Variants in VWC2 observed in about 807,000 individuals in gnomAD.
VWC2 encodes the protein brorin.
A neutral mutation model predicts 29.8 loss-of-function variants in VWC2; 14 were observed. The observed-to-expected ratio is 0.47, with a 90% confidence interval of 0.31 to 0.74. The LOEUF is 0.74. Among genes scored for constraint, VWC2 ranks in the 30% least tolerant of loss-of-function variants. VWC2 has a pLI of 0.05. For synonymous variants in VWC2, 213 were observed against 199.0 expected (o/e 1.07, Z -0.59); for missense variants, 457 against 459.8 (o/e 0.99, Z 0.05).
intron 3 of VWC2, among the ~76,000 whole-genome samples, chr7:49,857,897 C>T (rs753355334): frequency 2.0e-5 from 3 of 152,138 alleles, no homozygotes; most frequent in Admixed American, 6.5e-5. Flanking sequence ...GGCATCTGAG[C>T]TAAGTTTGGT....
At position 49,911,005 on chromosome 7, in the gene VWC2, T is replaced by C. The variant is rs200367704; in HGVS notation, c.827-1029T>C. ...AGGCCTGGAAGGTATACTGAATTTA[T>C]GTCACTTCAAGCAGTTTGCTTGTTT... is the stretch of plus-strand genomic sequence containing the variant. On this transcript the variant is annotated intron_variant, in intron 3 of 3. Coordinates refer to ENST00000340652, the MANE Select transcript of VWC2 (RefSeq NM_198570.5). 9.2e-5 allele frequency among the ~76,000 whole-genome samples: 14 copies of C among 152,330 alleles called. No individual in the cohort carries two copies. In the East Asian group the frequency reaches 1.7e-3, roughly 19 times the overall value.
intron 3 of VWC2, among the ~76,000 whole-genome samples, chr7:49,821,012 C>T (rs567578156): frequency 1.8e-4 from 27 of 152,294 alleles, no homozygotes; most frequent in Admixed American, 1.2e-3. Flanking sequence ...CAGCCCTCCC[C>T]GCCCAGGATG....
chr7:49,888,556 C>G (rs1249421090), intron 3 of VWC2, among the ~76,000 whole-genome samples: 1 of 152,156 alleles, frequency 6.6e-6, no homozygotes, highest in Non-Finnish European at 1.5e-5. Context: ...TCATAGCAGG[C>G]CTCCCTGAAG....
chr7:49,799,087 G>A (rs28470916), intron 2 of VWC2, among the ~76,000 whole-genome samples: 57,568 of 152,068 alleles, frequency 0.38, 12,988 homozygotes, highest in Non-Finnish European at 0.51. Context: ...AAAAGGGCAG[G>A]GCATTATTTT....
chr7:49,811,841 A>G (rs1317856177), intron 3 of VWC2, among the ~76,000 whole-genome samples: 2 of 152,248 alleles, frequency 1.3e-5, no homozygotes, highest in Non-Finnish European at 2.9e-5. Context: ...ACATATTTCC[A>G]CACAAAGATA....
At chr7:49,812,043 A>C (rs79016642) in intron 3 of VWC2, among the ~76,000 whole-genome samples, 5,780 of 152,350 alleles carry the variant, frequency 0.038, 160 homozygotes, top group Middle Eastern at 0.082. Flanking sequence ...CCTCAAATAC[A>C]GAAGCTGTTG....
chr7:49,875,519 T>G (rs1225953553), intron 3 of VWC2, among the ~76,000 whole-genome samples: 1 of 151,500 alleles, frequency 6.6e-6, no homozygotes, highest in Non-Finnish European at 1.5e-5. Flanking sequence ...GGAGAGCCAG[T>G]GTCCTTGGTG....
chr7:49,774,885 C>T (rs939316453), intron 1 of VWC2, among the ~76,000 whole-genome samples: 1 of 152,166 alleles, frequency 6.6e-6, no homozygotes, highest in Non-Finnish European at 1.5e-5. Context: ...GAAGAGTTTC[C>T]CTCTTATCTT....
chr7:49,814,540 T>C (rs1377832661), intron 3 of VWC2, among the ~76,000 whole-genome samples: 1 of 152,224 alleles, frequency 6.6e-6, no homozygotes, highest in East Asian at 1.9e-4. Flanking sequence ...ATTTTTAAGA[T>C]AAATAAATAA....
chr7:49,805,753 A>T (rs912435313), intron 3 of VWC2, among the ~76,000 whole-genome samples: 1 of 152,242 alleles, frequency 6.6e-6, no homozygotes, highest in African/African-American at 2.4e-5. Context: ...AATGCTTTAT[A>T]TGAAATTAAA....
At chr7:49,905,960 A>T (rs1419491373) in intron 3 of VWC2, among the ~76,000 whole-genome samples, 3 of 149,804 alleles carry the variant, frequency 2.0e-5, no homozygotes, top group Non-Finnish European at 4.5e-5. Flanking sequence ...AAGTTACCTT[A>T]TATGGTCTAA....
intron 3 of VWC2, among the ~76,000 whole-genome samples, chr7:49,900,250 G>C (rs1370857109): frequency 6.6e-6 from 1 of 151,622 alleles, no homozygotes; most frequent in Non-Finnish European, 1.5e-5. Context: ...AATAATCTAA[G>C]CTTCCACCTT....
At chr7:49,843,172 G>A (rs1259113058) in intron 3 of VWC2, among the ~76,000 whole-genome samples, 1 of 152,168 alleles carries the variant, frequency 6.6e-6, no homozygotes, top group East Asian at 1.9e-4. Context: ...GCAGTTTTCT[G>A]TGAACTTCTT....
At chr7:49,876,218 G>C (rs1791409187) in intron 3 of VWC2, among the ~76,000 whole-genome samples, 1 of 152,146 alleles carries the variant, frequency 6.6e-6, no homozygotes, top group African/African-American at 2.4e-5. Flanking sequence ...CGTCCAGATA[G>C]TAAGATACCG....
At chr7:49,877,122 G>C (rs1177060671) in intron 3 of VWC2, among the ~76,000 whole-genome samples, 1 of 151,974 alleles carries the variant, frequency 6.6e-6, no homozygotes, top group East Asian at 1.9e-4. Flanking sequence ...AAAATACATT[G>C]GAAGACACGT....
chr7:49,777,784 A>C (rs1450784885), intron 2 of VWC2, among the ~76,000 whole-genome samples: 1 of 152,086 alleles, frequency 6.6e-6, no homozygotes, highest in Non-Finnish European at 1.5e-5. Context: ...TTCACAGGCA[A>C]ATGTGTCCAG....
At chr7:49,776,394 G>A (rs1300210588) in intron 2 of VWC2, among the ~76,000 whole-genome samples, 1 of 152,226 alleles carries the variant, frequency 6.6e-6, no homozygotes, top group Non-Finnish European at 1.5e-5. Context: ...GCACTGAAGG[G>A]AAGGATCCCA....
intron 3 of VWC2, among the ~76,000 whole-genome samples, chr7:49,805,159 T>G (rs1312222640): frequency 1.3e-5 from 2 of 152,190 alleles, no homozygotes; most frequent in African/African-American, 4.8e-5. Context: ...TACCCAGAGA[T>G]TCACAGTTTG....
At chr7:49,874,475 A>G (rs1407240817) in intron 3 of VWC2, among the ~76,000 whole-genome samples, 1 of 152,162 alleles carries the variant, frequency 6.6e-6, no homozygotes, top group African/African-American at 2.4e-5. Flanking sequence ...TCTGATGTTC[A>G]CATAACAACA....
Sources: allele counts gnomAD v4.1 joint callset (sites outside exome capture counted in the v4.1 genomes callset), GRCh38; gene constraint gnomAD v4.1.1; transcripts MANE v1.5; gene names NCBI Gene and HGNC (gene_info 2026-07-23, HGNC 2026-07-21).